Variants in SPEF2 observed in about 807,000 individuals in gnomAD.
SPEF2 encodes sperm flagella and cilia-associated protein 2.
SPEF2 carries 187 observed loss-of-function variants against 224.6 expected under a neutral mutation model. The observed-to-expected ratio is 0.83, with a 90% CI of 0.74 to 0.94. SPEF2 has a LOEUF of 0.94. Ranked by LOEUF, SPEF2 falls within the 40% of genes least tolerant of loss-of-function variation. The pLI, the probability that SPEF2 is intolerant of heterozygous loss-of-function variation, is 0.00. For missense variants in SPEF2, 2,170 were observed against 2,135.6 expected (o/e 1.02, Z -0.32); for synonymous variants, 715 against 707.3 (o/e 1.01, Z -0.17).
chr5:35,619,128 CTTTG>C (rs1743105770), intron 1 of SPEF2, among the ~76,000 whole-genome samples: 1 of 151,932 alleles, frequency 6.6e-6, no homozygotes, highest in South Asian at 2.1e-4. Flanking sequence ...CAGACTCTTT[CTTTG>C]TCAAATAACC....
chr5:35,714,235 T>C lies in SPEF2; in HGVS notation c.2914+1349T>C, dbSNP rs1008202136. On this transcript the variant is annotated intron_variant, in intron 20 of 36. Transcript: ENST00000356031. Reference sequence around the variant, plus strand: ...ATTCTTATGACTTGTTTGAGTTTCTTCAGAGAATTTTTCAACCATCAAAGA... The same window carrying C: ...ATTCTTATGACTTGTTTGAGTTTCTCCAGAGAATTTTTCAACCATCAAAGA... Among the ~76,000 whole-genome samples, 5 of 151,010 alleles carry C rather than the reference T, an allele frequency of 3.3e-5. 2 individuals are homozygous for C. Among genetic ancestry groups the C allele is most frequent in the Admixed American group, 2.7e-4 (4 of 15,004 alleles).
chr5:35,704,046 T>G (rs1450727217), intron 16 of SPEF2, among the ~76,000 whole-genome samples: 1 of 152,170 alleles, frequency 6.6e-6, no homozygotes, highest in Non-Finnish European at 1.5e-5. Flanking sequence ...TTGAGATTGG[T>G]TTTTTTGTTT....
Position 35,771,617 on chromosome 5 carries a change from T to C in SPEF2, c.3810T>C (p.Ala1270=). 1 of 1,599,090 alleles carries C rather than the reference T, an allele frequency of 6.3e-7. No homozygotes were observed. Among genetic ancestry groups the C allele is most frequent in the Admixed American group, 1.8e-5 (1 of 55,624 alleles). ...TGCTGTTACGCAACCAGGTGGCTGC[T>C]GAAATTCATCAGAGGCTTATGGAAG... The part of the protein sequence containing the change: ...ASLAVSHMVA[A]EIHQRLMEEE... The change falls in exon 27 of 37, where the codon GCT becomes GCC. Residue 1270 remains alanine (A), a synonymous_variant. Transcript: ENST00000356031.
intron 8 of SPEF2, among the ~76,000 whole-genome samples, chr5:35,664,415 C>T (rs752231850): frequency 1.3e-5 from 2 of 151,614 alleles, no homozygotes; most frequent in Non-Finnish European, 2.9e-5. Context: ...GAAAGGCTGA[C>T]CATGGTGGCT....
At chr5:35,744,845 C>T (rs890147917) in intron 23 of SPEF2, among the ~76,000 whole-genome samples, 1 of 152,158 alleles carries the variant, frequency 6.6e-6, no homozygotes. Flanking sequence ...TGTGTGGAGG[C>T]TTGCACTGTG....
chr5:35,631,144 G>A (rs927021317), intron 2 of SPEF2, among the ~76,000 whole-genome samples: 1 of 152,184 alleles, frequency 6.6e-6, no homozygotes, highest in Non-Finnish European at 1.5e-5. Context: ...AGGCAAGGAG[G>A]AGCAAGCCAC....
intron 2 of SPEF2, among the ~76,000 whole-genome samples, chr5:35,630,563 G>A (rs1468249634): frequency 6.6e-6 from 1 of 152,154 alleles, no homozygotes; most frequent in Non-Finnish European, 1.5e-5. Context: ...GGGCATGGTG[G>A]CGGGCGTCTG....
chr5:35,686,334 G>A (rs971996993), intron 10 of SPEF2, among the ~76,000 whole-genome samples: 24 of 152,072 alleles, frequency 1.6e-4, no homozygotes, highest in African/African-American at 5.5e-4. Flanking sequence ...TAAATTACAT[G>A]TATTTCTATT....
intron 20 of SPEF2, among the ~76,000 whole-genome samples, chr5:35,714,957 C>T (rs944628451): frequency 9.9e-5 from 15 of 151,928 alleles, no homozygotes; most frequent in Non-Finnish European, 7.4e-5. Flanking sequence ...ACTCTGTTGC[C>T]CAGGCTGGAG....
Position 35,808,837 on chromosome 5 carries a change from A to T in SPEF2, c.5379+1584A>T, listed in dbSNP as rs1758361113. ...ATATATACATATATGTATGTAACAT[A>T]TACATATATTTTTTAAATATATATG... On this transcript the variant is annotated intron_variant, in intron 36 of 36. Transcript: ENST00000356031. Among the ~76,000 whole-genome samples the T allele has an allele frequency of 3.4e-5, 5 of 148,352 alleles. No individual in the cohort carries two copies. The South Asian group carries it at 1.0e-3, about 31-fold the overall frequency.
intron 10 of SPEF2, among the ~76,000 whole-genome samples, chr5:35,689,019 T>C (rs1297551056): frequency 6.6e-6 from 1 of 152,170 alleles, no homozygotes; most frequent in Non-Finnish European, 1.5e-5. Context: ...GTTATATTAG[T>C]CTTGCCAAAT....
At chr5:35,638,663 A>G (rs1746172021) in intron 2 of SPEF2, among the ~76,000 whole-genome samples, 1 of 152,088 alleles carries the variant, frequency 6.6e-6, no homozygotes, top group South Asian at 2.1e-4. Context: ...AGTTATAATT[A>G]TTTATTTATG....
intron 20 of SPEF2, among the ~76,000 whole-genome samples, chr5:35,723,376 G>A (rs115272847): frequency 0.014 from 2,059 of 152,076 alleles, 41 homozygotes; most frequent in African/African-American, 0.048. Context: ...AGCCCCACCC[G>A]AGACCTACTA....
chr5:35,655,338 T>C (rs556657591), intron 7 of SPEF2, among the ~76,000 whole-genome samples: 6 of 152,180 alleles, frequency 3.9e-5, no homozygotes, highest in East Asian at 1.9e-4. Context: ...ATTTCTTACA[T>C]TGAACACATA....
chr5:35,732,633 C>T (rs1745826357), intron 21 of SPEF2, among the ~76,000 whole-genome samples: 1 of 152,086 alleles, frequency 6.6e-6, no homozygotes, highest in Non-Finnish European at 1.5e-5. Flanking sequence ...TTCAAATGAG[C>T]CTGGTTATAT....
At position 35,700,492 on chromosome 5, in the gene SPEF2, T is replaced by A. The variant is rs1235639356; in HGVS notation, c.2142-4T>A. The A allele has an allele frequency of 1.9e-6, 3 of 1,606,566 alleles. No individual in the cohort carries two copies. In the African/African-American group the frequency reaches 4.0e-5, roughly 22 times the overall value. On this transcript the variant is annotated splice_region_variant and splice_polypyrimidine_tract_variant and intron_variant, in intron 15 of 36. Transcript: ENST00000356031. ...TATTCATGAGTTGTCCTGTTTCAAT[T>A]TAGTGAGATACCTGTGAATCAAGAC...
In SPEF2 at chr5:35,806,937, G is replaced by A. The variant is rs369540475; in HGVS notation, c.5241G>A (p.Glu1747=). Residue 1747 remains glutamate, a synonymous_variant, in exon 35 of 37, where the codon GAG becomes GAA. Coordinates refer to ENST00000356031, the MANE Select transcript of SPEF2 (RefSeq NM_024867.4). The stretch of plus-strand genomic sequence containing the variant: ...GATTTGCCAGCCACCTAAAGATAGA[G>A]AACATTTATGCAGAGGTTGGTTAAA... ...SNRFASHLKI[E]NIYAEGFIKT... 1.9e-6 allele frequency: 3 copies of A among 1,607,760 alleles called. No individual in the cohort carries two copies. The African/African-American group carries it at 4.0e-5, about 22-fold the overall frequency.
intron 23 of SPEF2, among the ~76,000 whole-genome samples, chr5:35,746,707 C>A (rs1324998486): frequency 6.6e-6 from 1 of 151,998 alleles, no homozygotes; most frequent in Non-Finnish European, 1.5e-5. Context: ...AATTGGTGTT[C>A]CTGAGGAAGA....
intron 24 of SPEF2, 99 bp downstream of exon 24, chr5:35,753,860 C>A: frequency 6.8e-7 from 1 of 1,465,116 alleles, no homozygotes; most frequent in Non-Finnish European, 9.4e-7. Context: ...GAGGTCTGTT[C>A]AGGGCTCATT....
Sources: allele counts gnomAD v4.1 joint callset (sites outside exome capture counted in the v4.1 genomes callset), GRCh38; gene constraint gnomAD v4.1.1; transcripts MANE v1.5; gene names NCBI Gene and HGNC (gene_info 2026-07-23, HGNC 2026-07-21).